Variants in OTOGL observed in about 807,000 individuals in gnomAD.
OTOGL encodes otogelin like, also known as otogelin-like protein.
In OTOGL, 285 loss-of-function variants were observed where a neutral mutation model predicts 318.5. The ratio of observed to expected loss-of-function variants is 0.89; its 90% CI spans 0.81 to 0.99. The LOEUF (loss-of-function observed/expected upper bound fraction) is 0.99, where lower values mean the gene tolerates loss of function less well. OTOGL is among the 50% of genes least tolerant of loss of function. The pLI, the probability that OTOGL is intolerant of heterozygous loss-of-function variation, is 0.00. For synonymous variants in OTOGL, 987 were observed against 936.5 expected (o/e 1.05, Z -0.99); for missense variants, 2,899 against 2,845.6 (o/e 1.02, Z -0.43).
chr12:80,254,574 AT>A lies in OTOGL; in HGVS notation c.1441+10del. 3 of 1,601,336 alleles carry A rather than the reference AT, an allele frequency of 1.9e-6. No homozygotes were observed. Among genetic ancestry groups the A allele is most frequent in the Non-Finnish European group, 2.6e-6 (3 of 1,170,826 alleles). ...TGCACTGAGCAAGACTGTCCAGGTA[AT>A]TTTTTAAAATGTTTTTATAGAGAAT... On this transcript the variant is annotated splice_donor_5th_base_variant and intron_variant, in intron 15 of 58. Coordinates refer to ENST00000547103, the MANE Select transcript of OTOGL (RefSeq NM_001378609.3).
intron 1 of OTOGL, among the ~76,000 whole-genome samples, chr12:80,196,614 C>T (rs374062997): frequency 7.2e-5 from 11 of 152,202 alleles, no homozygotes; most frequent in Admixed American, 6.5e-5. Context: ...CATCGTTCCC[C>T]GGAGGCATGT....
chr12:80,336,414 T>C lies in OTOGL; in HGVS notation c.4602T>C (p.Cys1534=). The C allele has an allele frequency of 6.3e-7, 1 of 1,593,304 alleles. No homozygotes were observed. The highest frequency in any genetic ancestry group is 8.5e-7 in the Non-Finnish European group (1 of 1,171,408). ...DICCPEWECP[C]RCSMLSELSI... is the part of the protein sequence containing the mutation. The stretch of plus-strand genomic sequence containing the variant: ...ATCCACTTTCCACCATTTTTATAGG[T>C]CGGTGTTCCATGTTGTCAGAACTGA... Residue 1534 remains cysteine (C), a splice_region_variant and synonymous_variant, in exon 40 of 59, where the codon TGT becomes TGC. Transcript: ENST00000547103.
At chr12:80,365,306 A>G (rs1411619429) in intron 52 of OTOGL, among the ~76,000 whole-genome samples, 1 of 152,148 alleles carries the variant, frequency 6.6e-6, no homozygotes, top group Non-Finnish European at 1.5e-5. Context: ...GGGAGTAAAA[A>G]TTACCATATT....
intron 1 of OTOGL, among the ~76,000 whole-genome samples, chr12:80,115,688 G>C (rs1445785301): frequency 6.6e-6 from 1 of 152,182 alleles, no homozygotes; most frequent in Non-Finnish European, 1.5e-5. Context: ...AGGGAGATGG[G>C]AGTTTTATGT....
chr12:80,143,917 T>A (rs1306546283), intron 1 of OTOGL, among the ~76,000 whole-genome samples: 2 of 152,168 alleles, frequency 1.3e-5, no homozygotes, highest in Non-Finnish European at 2.9e-5. Context: ...TCTTCCATGC[T>A]AAAAGAGTTA....
chr12:80,373,348 C>T (rs966823090), intron 57 of OTOGL, among the ~76,000 whole-genome samples: 33 of 152,102 alleles, frequency 2.2e-4, no homozygotes, highest in African/African-American at 8.0e-4. Flanking sequence ...AGGAGAATCA[C>T]TTGAACCCGA....
At chr12:80,366,542 AATG>A (rs2138073431) in intron 52 of OTOGL, 29 bp from the exon 53 acceptor site, 1 of 399,394 alleles carries the variant, frequency 2.5e-6, no homozygotes, top group African/African-American at 2.5e-5. Context: ...AAATAAGCTA[AATG>A]ATAAGTAATA....
chr12:80,188,411 G>A (rs1369057100), intron 1 of OTOGL, among the ~76,000 whole-genome samples: 3 of 151,646 alleles, frequency 2.0e-5, no homozygotes, highest in Non-Finnish European at 4.4e-5. Context: ...GGTGGCATGC[G>A]CCTGTAATCC....
At chr12:80,145,328 G>C (rs931799802) in intron 1 of OTOGL, among the ~76,000 whole-genome samples, 15 of 152,076 alleles carry the variant, frequency 9.9e-5, no homozygotes, top group African/African-American at 3.6e-4. Flanking sequence ...TTTCCCCGTT[G>C]CTTGTTTTTT....
Position 80,229,351 on chromosome 12 carries a change from G to C in OTOGL, c.584G>C (p.Gly195Ala), listed in dbSNP as rs1879160915. Residue 195 changes from glycine to alanine, a missense_variant, in exon 8 of 59, where the codon GGT becomes GCT. By Grantham distance (60) the Gly-to-Ala change is moderately conservative (BLOSUM62 0). Transcript: ENST00000547103. Reference sequence around the variant, plus strand: ...AACCAAGAGGAAATTCGAATTTATGGTCATGAAATAAAAAAGAATGGAATC... The same window carrying C: ...AACCAAGAGGAAATTCGAATTTATGCTCATGAAATAAAAAAGAATGGAATC... ...FSNQEEIRIY[G>A]HEIKKNGISL... 6.3e-7 allele frequency: 1 copy of C among 1,595,538 alleles called. No individual in the cohort carries two copies. The highest frequency in any genetic ancestry group is 1.3e-5 in the African/African-American group (1 of 74,784).
Position 80,239,431 on chromosome 12 carries a change from T to A in OTOGL, c.1044T>A (p.Asp348Glu). 4 of 1,573,486 alleles carry A rather than the reference T, an allele frequency of 2.5e-6. No individual in the cohort carries two copies. Among genetic ancestry groups the A allele is most frequent in the Non-Finnish European group, 3.5e-6 (4 of 1,156,214 alleles). The change falls in exon 11 of 59, where the codon GAT becomes GAA. Residue 348 changes from aspartate (D) to glutamate (E), a missense_variant. This residue lies in a region of OTOGL where 2,607 missense variants were observed against 2,524.9 expected (regional missense o/e 1.03). Transcript: ENST00000547103. ...PYLYIASCVNDLCKTDDDETY... is the reference protein window; with the variant it reads ...PYLYIASCVNELCKTDDDETY... ...TATATATTGCCAGCTGTGTTAATGA[T>A]CTTTGCAAGTAAGTGAAATGACTTG...
At chr12:80,300,524 A>G (rs1234248356) in intron 27 of OTOGL, among the ~76,000 whole-genome samples, 2 of 152,124 alleles carry the variant, frequency 1.3e-5, no homozygotes, top group East Asian at 3.9e-4. Flanking sequence ...CTGACAAAAC[A>G]CGAATTCACA....
intron 1 of OTOGL, among the ~76,000 whole-genome samples, chr12:80,173,434 G>T (rs149127688): frequency 6.6e-6 from 1 of 152,104 alleles, no homozygotes; most frequent in East Asian, 1.9e-4. Flanking sequence ...GTAAACTGCC[G>T]TGGTGGTGGT....
intron 1 of OTOGL, among the ~76,000 whole-genome samples, chr12:80,118,910 A>G (rs562611398): frequency 1.3e-4 from 19 of 146,394 alleles, no homozygotes; most frequent in African/African-American, 4.6e-4. Flanking sequence ...TTGCTCTTTG[A>G]TATTGATATT....
At chr12:80,367,798 T>G (rs985503383) in intron 54 of OTOGL, 59 bp downstream of exon 54, 11 of 1,201,486 alleles carry the variant, frequency 9.2e-6, no homozygotes, top group African/African-American at 1.6e-5. Flanking sequence ...ATGGCAGAGT[T>G]ATAGAATTTG....
chr12:80,217,717 G>T, intron 5 of OTOGL, 53 bp downstream of exon 5: 1 of 1,299,868 alleles, frequency 7.7e-7, no homozygotes, highest in African/African-American at 1.5e-5. Context: ...AATCCCTTTG[G>T]GGGATATATT....
chr12:80,295,403 CT>C (rs552616669), intron 26 of OTOGL, among the ~76,000 whole-genome samples: 1 of 152,102 alleles, frequency 6.6e-6, no homozygotes, highest in Admixed American at 6.6e-5. Context: ...TCTTGAACTC[CT>C]GATCTCAAGT....
rs1878128826 is a variant in OTOGL at position 80,219,862 on chromosome 12, G to A, written c.284G>A (p.Gly95Glu). The A allele has an allele frequency of 6.3e-7, 1 of 1,594,490 alleles. No individual in the cohort carries two copies. The highest frequency in any genetic ancestry group is 8.5e-7 in the Non-Finnish European group (1 of 1,176,276). ...CLNGAFCSKT[G>E]TCDCQIFQAL... ...AATGGAGCTTTCTGTTCTAAGACTG[G>A]AACATGTGACTGTCAAATATTTCAG... Residue 95 changes from glycine (G) to glutamate (E), a missense_variant, in exon 6 of 59, where the codon GGA (glycine) becomes GAA (glutamate). By Grantham distance (98) the Gly-to-Glu change is moderately conservative. This residue lies in a region of OTOGL where 2,607 missense variants were observed against 2,524.9 expected (regional missense o/e 1.03). Transcript: ENST00000547103.
intron 1 of OTOGL, among the ~76,000 whole-genome samples, chr12:80,122,016 A>G (rs1240638586): frequency 6.6e-6 from 1 of 152,174 alleles, no homozygotes; most frequent in Non-Finnish European, 1.5e-5. Flanking sequence ...CATATGGCCA[A>G]TATAAATAAT....
Sources: gnomAD v4.1 joint callset for allele counts (sites outside exome capture counted in the v4.1 genomes callset) on GRCh38, gnomAD v4.1.1 for gene constraint, gnomAD v4.1.1 regional missense constraint, MANE v1.5 for transcripts, NCBI Gene and HGNC (gene_info 2026-07-23, HGNC 2026-07-21) for gene names.